The following MAGI1 variants were observed in gnomAD, a reference collection of about 807,000 sequenced individuals.
MAGI1 encodes membrane-associated guanylate kinase, WW and PDZ domain-containing protein 1.
In MAGI1, 58 loss-of-function variants were observed where a neutral mutation model predicts 139.9. The observed-to-expected ratio is 0.41, with a 90% CI of 0.34 to 0.52. MAGI1 has a LOEUF of 0.52. Ranked by LOEUF, MAGI1 falls within the 20% of genes least tolerant of loss-of-function variation. The pLI is 0.12. For synonymous variants in MAGI1, 812 were observed against 737.9 expected (o/e 1.10, Z -1.63); for missense variants, 1,874 against 1,901.6 (o/e 0.99, Z 0.27).
chr3:65,469,939 TATATTTAAATATTTATTAAA>T (rs1399691659), intron 5 of MAGI1: 1 of 147,914 alleles, frequency 6.8e-6, no homozygotes, highest in Non-Finnish European at 1.5e-5. Context: ...TATTTATAAA[TATATTTAAATATTTATTAAA>T]ATATTTAAAT....
intron 1 of MAGI1, among the ~76,000 whole-genome samples, chr3:65,885,798 A>G (rs1409613914): frequency 6.6e-6 from 1 of 152,122 alleles, no homozygotes; most frequent in African/African-American, 2.4e-5. Context: ...TTTATAAATT[A>G]CCCAGTCTCA....
At chr3:65,878,909 G>T (rs971172367) in intron 1 of MAGI1, among the ~76,000 whole-genome samples, 5 of 152,074 alleles carry the variant, frequency 3.3e-5, no homozygotes, top group African/African-American at 1.2e-4. Context: ...GTTTTCTGCA[G>T]TGGGCAGTTT....
At chr3:65,729,959 T>C (rs796361707) in intron 1 of MAGI1, among the ~76,000 whole-genome samples, 13 of 152,338 alleles carry the variant, frequency 8.5e-5, no homozygotes, top group African/African-American at 2.9e-4. Flanking sequence ...ATTACTTTCT[T>C]TCTGTGACTA....
intron 2 of MAGI1, among the ~76,000 whole-genome samples, chr3:65,579,287 G>A (rs550189294): frequency 6.6e-6 from 1 of 152,184 alleles, no homozygotes; most frequent in South Asian, 2.1e-4. Flanking sequence ...ATCTACCCAA[G>A]CTTCTGCCAA....
At position 65,515,935 on chromosome 3, in the gene MAGI1, A is replaced by G. The variant is rs1326889060; in HGVS notation, c.431-22304T>C. On this transcript the variant is annotated intron_variant, in intron 2 of 22. Coordinates refer to ENST00000402939, the MANE Select transcript of MAGI1 (RefSeq NM_001033057.2). ...CATAAAGTTTATTGGAGAAGGCAGTACTGACTGATGCACAGTTCAAAAATC... is the reference window on the plus strand; with the variant it reads ...CATAAAGTTTATTGGAGAAGGCAGTGCTGACTGATGCACAGTTCAAAAATC... Among the ~76,000 whole-genome samples the G allele has an allele frequency of 3.9e-5, 6 of 152,368 alleles. No homozygotes were observed. The East Asian group carries it at 1.2e-3, about 29-fold the overall frequency.
At chr3:65,710,237 T>C (rs2031155725) in intron 1 of MAGI1, among the ~76,000 whole-genome samples, 1 of 151,786 alleles carries the variant, frequency 6.6e-6, no homozygotes, top group Non-Finnish European at 1.5e-5. Context: ...AAGATGTCTT[T>C]ACTTGGTGAA....
At chr3:65,368,745 G>A (rs1298505323) in intron 18 of MAGI1, among the ~76,000 whole-genome samples, 1 of 152,156 alleles carries the variant, frequency 6.6e-6, no homozygotes, top group Non-Finnish European at 1.5e-5. Flanking sequence ...TAATGCCTTT[G>A]CCAAGGAAAC....
Position 65,498,958 on chromosome 3 carries a change from C to T in MAGI1, c.431-5327G>A, listed in dbSNP as rs1054225030. 3 of 970,738 alleles carry T rather than the reference C, an allele frequency of 3.1e-6. No homozygotes were observed. The African/African-American group carries it at 5.3e-5, about 17-fold the overall frequency. The allele number at this position is 970,738 out of a possible 1,614,324, so 60.1% of individuals were successfully genotyped here. A position where few individuals can be genotyped will look rare whatever the true frequency, so the allele number is the denominator to read the frequency against. ...TGAGTTGCCTTCATTACACTACATC[C>T]AGTACCATGTCCCAAACAACTTCTA... On this transcript the variant is annotated intron_variant, in intron 2 of 22. Coordinates refer to ENST00000402939, the MANE Select transcript of MAGI1 (RefSeq NM_001033057.2).
chr3:65,493,693 T>G, intron 2 of MAGI1, 62 bp from the exon 3 acceptor site: 1 of 1,599,764 alleles, frequency 6.3e-7, no homozygotes, highest in Non-Finnish European at 8.5e-7. Context: ...AAGTTCCACA[T>G]CCAGGTGTAA....
At chr3:65,491,566 T>C (rs538071542) in intron 3 of MAGI1, among the ~76,000 whole-genome samples, 1 of 152,282 alleles carries the variant, frequency 6.6e-6, no homozygotes, top group East Asian at 1.9e-4. Flanking sequence ...AATAACTGAT[T>C]GCAGATGAGG....
chr3:65,697,241 C>T (rs1380485857), intron 1 of MAGI1, among the ~76,000 whole-genome samples: 2 of 151,992 alleles, frequency 1.3e-5, no homozygotes, highest in Non-Finnish European at 2.9e-5. Flanking sequence ...AATAGTTTAT[C>T]AACCAAAAAG....
chr3:65,889,137 T>A (rs944681264), intron 1 of MAGI1, among the ~76,000 whole-genome samples: 1 of 152,222 alleles, frequency 6.6e-6, no homozygotes, highest in Non-Finnish European at 1.5e-5. Flanking sequence ...TTCTGAAGCA[T>A]AGCCTCTAAA....
intron 1 of MAGI1, among the ~76,000 whole-genome samples, chr3:65,939,086 GA>G (rs1277538258): frequency 6.6e-6 from 1 of 152,022 alleles, no homozygotes; most frequent in Non-Finnish European, 1.5e-5. Flanking sequence ...TAAAGAAAAA[GA>G]AAAACACATA....
intron 12 of MAGI1, among the ~76,000 whole-genome samples, chr3:65,409,641 T>TC (rs1945622238): frequency 6.6e-6 from 1 of 151,954 alleles, no homozygotes; most frequent in South Asian, 2.1e-4. Context: ...TCATTTTTTT[T>TC]TTCTCCTTCT....
At chr3:65,992,452 A>G (rs2066232380) in intron 1 of MAGI1, among the ~76,000 whole-genome samples, 1 of 57,868 alleles carries the variant, frequency 1.7e-5, no homozygotes, top group African/African-American at 4.8e-5. Flanking sequence ...ACCTGAGCAA[A>G]AAACAGTGAA....
intron 1 of MAGI1, among the ~76,000 whole-genome samples, chr3:66,021,681 G>GA (rs2067970255): frequency 1.3e-5 from 2 of 152,218 alleles, no homozygotes; most frequent in African/African-American, 4.8e-5. Context: ...CCGTAGGTCT[G>GA]GGATGGGGTC....
At chr3:65,504,589 T>A (rs2077205568) in intron 2 of MAGI1, among the ~76,000 whole-genome samples, 1 of 152,038 alleles carries the variant, frequency 6.6e-6, no homozygotes, top group Non-Finnish European at 1.5e-5. Flanking sequence ...AGGAGCGAGG[T>A]GCAGCTGAAT....
intron 1 of MAGI1, among the ~76,000 whole-genome samples, chr3:65,993,458 ATAACTC>A (rs2066283027): frequency 6.6e-6 from 1 of 152,210 alleles, no homozygotes; most frequent in Non-Finnish European, 1.5e-5. Flanking sequence ...CTGAACAAGA[ATAACTC>A]ACAGAGAAAC....
chr3:65,726,392 C>G (rs1344837453), intron 1 of MAGI1, among the ~76,000 whole-genome samples: 1 of 152,154 alleles, frequency 6.6e-6, no homozygotes, highest in Non-Finnish European at 1.5e-5. Flanking sequence ...GAGTCTCTGA[C>G]AGTGAATAAC....
Sources: gnomAD v4.1 joint callset for allele counts (sites outside exome capture counted in the v4.1 genomes callset) on GRCh38, gnomAD v4.1.1 for gene constraint, MANE v1.5 for transcripts, NCBI Gene and HGNC (gene_info 2026-07-23, HGNC 2026-07-21) for gene names.